Variants in SMPD3 observed in about 807,000 individuals in gnomAD.
The protein encoded by SMPD3 is sphingomyelin phosphodiesterase 3.
A neutral mutation model predicts 55.7 loss-of-function variants in SMPD3; 21 were observed. That is an observed-to-expected ratio of 0.38 (90% confidence interval 0.27 to 0.54). The LOEUF is 0.54. Among genes scored for constraint, SMPD3 ranks in the 20% least tolerant of loss-of-function variants. The probability of loss-of-function intolerance (pLI) is 0.80; values close to 1 mark genes in which losing one functional copy is unlikely to be tolerated. For synonymous variants in SMPD3, 457 were observed against 404.3 expected (o/e 1.13, Z -1.56); for missense variants, 842 against 899.6 (o/e 0.94, Z 0.82).
rs552072627 is a variant in SMPD3 at position 68,367,150 on chromosome 16, G to A, written c.1324-2058C>T. 5.3e-5 allele frequency among the ~76,000 whole-genome samples: 8 copies of A among 152,226 alleles called. No individual in the cohort carries two copies. In the South Asian group the frequency reaches 1.0e-3, roughly 20 times the overall value. ...CCCATTGCACCACTCTGGCCTGGGCGACAGAATGAGACTGTCTCAAAATAA... is the reference window on the plus strand; with the variant it reads ...CCCATTGCACCACTCTGGCCTGGGCAACAGAATGAGACTGTCTCAAAATAA... On this transcript the variant is annotated intron_variant, in intron 3 of 8. Coordinates refer to ENST00000219334, the MANE Select transcript of SMPD3 (RefSeq NM_018667.4).
At chr16:68,438,139 G>A (rs1871061301) in intron 1 of SMPD3, among the ~76,000 whole-genome samples, 1 of 152,148 alleles carries the variant, frequency 6.6e-6, no homozygotes, top group Non-Finnish European at 1.5e-5. Flanking sequence ...TGCACAGGGA[G>A]CAAATCTTCT....
At chr16:68,439,560 G>T (rs922200687) in intron 1 of SMPD3, among the ~76,000 whole-genome samples, 1 of 152,158 alleles carries the variant, frequency 6.6e-6, no homozygotes, top group Non-Finnish European at 1.5e-5. Context: ...CAATTCACCC[G>T]CTATGCTTTG....
chr16:68,442,022 T>C (rs954057650), intron 1 of SMPD3, among the ~76,000 whole-genome samples: 2 of 152,178 alleles, frequency 1.3e-5, no homozygotes, highest in African/African-American at 4.8e-5. Flanking sequence ...TGCCTCAGCC[T>C]CCCAAAGTGT....
Position 68,365,001 on chromosome 16 carries a change from T to C in SMPD3, c.1399+16A>G. 6.2e-7 allele frequency: 1 copy of C among 1,613,946 alleles called. No individual in the cohort carries two copies. The highest frequency in any genetic ancestry group is 8.5e-7 in the Non-Finnish European group (1 of 1,179,962). ...ATCCCATGCCTAGAAAAAACACAGG[T>C]GGGCGGCAACCCTACCTTGCGGGGC... On this transcript the variant is annotated intron_variant, in intron 4 of 8. Transcript: ENST00000219334.
intron 1 of SMPD3, among the ~76,000 whole-genome samples, chr16:68,428,491 G>A (rs936407564): frequency 2.0e-5 from 3 of 152,154 alleles, no homozygotes; most frequent in South Asian, 2.1e-4. Context: ...GCTCCAGAAG[G>A]GACTTCTCAT....
At chr16:68,422,549 T>G (rs1326524378) in intron 1 of SMPD3, among the ~76,000 whole-genome samples, 1 of 152,202 alleles carries the variant, frequency 6.6e-6, no homozygotes, top group East Asian at 1.9e-4. Flanking sequence ...CAGGCCCAGC[T>G]GCTTGGAGGC....
At chr16:68,428,044 G>A (rs1489875819) in intron 1 of SMPD3, among the ~76,000 whole-genome samples, 1 of 151,556 alleles carries the variant, frequency 6.6e-6, no homozygotes, top group Non-Finnish European at 1.5e-5. Context: ...CAGCTTCTTA[G>A]ACTTCCCATG....
intron 1 of SMPD3, among the ~76,000 whole-genome samples, chr16:68,399,193 G>C (rs371242578): frequency 2.0e-5 from 3 of 152,120 alleles, no homozygotes; most frequent in Non-Finnish European, 4.4e-5. Flanking sequence ...GGCTTGGGGG[G>C]AGGTCACTTC....
At chr16:68,422,438 C>T (rs918399780) in intron 1 of SMPD3, among the ~76,000 whole-genome samples, 2 of 152,036 alleles carry the variant, frequency 1.3e-5, no homozygotes, top group Non-Finnish European at 2.9e-5. Flanking sequence ...CGTATAAGGC[C>T]CCTGAGCAAG....
At chr16:68,383,637 G>A (rs1333370590) in intron 2 of SMPD3, among the ~76,000 whole-genome samples, 1 of 152,076 alleles carries the variant, frequency 6.6e-6, no homozygotes, top group Non-Finnish European at 1.5e-5. Flanking sequence ...CTAGGGGCTG[G>A]ACTTTCTCTT....
Position 68,365,087 on chromosome 16 carries a change from C to G in SMPD3, c.1329G>C (p.Gln443His). Residue 443 changes from glutamine (Q) to histidine (H), a missense_variant, in exon 4 of 9, where the codon CAG (glutamine) becomes CAC (histidine). By Grantham distance (24) the Gln-to-His change is conservative. Transcript: ENST00000219334. The part of the protein sequence containing the change: ...ASKGALFLKV[Q>H]VGSTPQDQRI... Reference sequence around the variant, plus strand: ...TTTGGTCCTGAGGTGTGCTTCCCACCTGCACCTGGGGGAGGAGGGGGTCAG... The same window carrying G: ...TTTGGTCCTGAGGTGTGCTTCCCACGTGCACCTGGGGGAGGAGGGGGTCAG... 1 of 1,614,016 alleles carries G rather than the reference C, an allele frequency of 6.2e-7. No homozygotes were observed.
At chr16:68,443,242 T>C (rs2090582095) in intron 1 of SMPD3, among the ~76,000 whole-genome samples, 1 of 152,164 alleles carries the variant, frequency 6.6e-6, no homozygotes, top group Non-Finnish European at 1.5e-5. Context: ...CAGCCACATA[T>C]GGAGGTAGAG....
At chr16:68,380,025 C>T (rs1220336708) in intron 2 of SMPD3, among the ~76,000 whole-genome samples, 1 of 152,236 alleles carries the variant, frequency 6.6e-6, no homozygotes, top group Non-Finnish European at 1.5e-5. Flanking sequence ...GAGGCATGGG[C>T]CCCATCCTAG....
intron 1 of SMPD3, among the ~76,000 whole-genome samples, chr16:68,446,355 T>C (rs1316736638): frequency 6.6e-6 from 1 of 152,130 alleles, no homozygotes; most frequent in Non-Finnish European, 1.5e-5. Flanking sequence ...AACCTGAAGC[T>C]ACCTTCACCC....
chr16:68,431,951 A>T (rs1350268392), intron 1 of SMPD3, among the ~76,000 whole-genome samples: 1 of 151,210 alleles, frequency 6.6e-6, no homozygotes, highest in East Asian at 1.9e-4. Context: ...AAACAAAAAA[A>T]CCCAAAACCA....
chr16:68,367,149 C>G (rs946542190), intron 3 of SMPD3, among the ~76,000 whole-genome samples: 3 of 152,110 alleles, frequency 2.0e-5, no homozygotes, highest in African/African-American at 7.2e-5. Context: ...CTGGCCTGGG[C>G]GACAGAATGA....
chr16:68,365,207 G>A, intron 3 of SMPD3, 115 bp from the exon 4 acceptor site: 1 of 1,071,312 alleles, frequency 9.3e-7, no homozygotes, highest in Non-Finnish European at 1.4e-6. Flanking sequence ...CCTGGCTCCT[G>A]GCTGGATTCT....
intron 2 of SMPD3, among the ~76,000 whole-genome samples, chr16:68,382,962 G>A (rs375824860): frequency 3.3e-5 from 5 of 152,102 alleles, no homozygotes; most frequent in Admixed American, 2.0e-4. Flanking sequence ...CTCCTGCCTC[G>A]GCCTCCCGAG....
chr16:68,385,102 C>T (rs2090028945), intron 2 of SMPD3, among the ~76,000 whole-genome samples: 1 of 152,162 alleles, frequency 6.6e-6, no homozygotes, highest in Non-Finnish European at 1.5e-5. Flanking sequence ...AGAGAATATG[C>T]TTTTCACACT....
Sources: allele counts gnomAD v4.1 joint callset (sites outside exome capture counted in the v4.1 genomes callset), GRCh38; gene constraint gnomAD v4.1.1; transcripts MANE v1.5; gene names NCBI Gene and HGNC (gene_info 2026-07-23, HGNC 2026-07-21).